Variants in COL9A3 observed in about 807,000 individuals in gnomAD.
COL9A3 encodes the protein collagen alpha-3(IX) chain.
In COL9A3, 82 loss-of-function variants were observed where a neutral mutation model predicts 110.2. That is an observed-to-expected ratio of 0.74 (90% CI 0.62 to 0.89). COL9A3 has a LOEUF of 0.89. Ranked by LOEUF, COL9A3 falls within the 40% of genes least tolerant of loss-of-function variation. The pLI, the probability that COL9A3 is intolerant of heterozygous loss-of-function variation, is 0.00. For synonymous variants in COL9A3, 494 were observed against 403.8 expected, an observed-to-expected ratio of 1.22 and a Z score of -2.68; for missense variants, 1,066 against 981.3, an observed-to-expected ratio of 1.09 and a Z score of -1.15.
intron 24 of COL9A3, among the ~76,000 whole-genome samples, chr20:62,830,847 G>A (rs1368529790): frequency 1.6e-5 from 2 of 128,036 alleles, no homozygotes; most frequent in East Asian, 2.4e-4. Flanking sequence ...AGCTCCCAGT[G>A]GGAAATCTGG....
chr20:62,826,251 G>T lies in COL9A3; in HGVS notation c.732G>T (p.Gly244=). The T allele has an allele frequency of 6.4e-7, 1 of 1,551,930 alleles. No individual in the cohort carries two copies. Among genetic ancestry groups the T allele is most frequent in the East Asian group, 2.4e-5 (1 of 41,386 alleles). ...TGCCAGGGCCACTCGGGCCCCCTGGGGACCGGGTAAGTCCTGCAGCCCCTA... is the reference window on the plus strand; with the variant it reads ...TGCCAGGGCCACTCGGGCCCCCTGGTGACCGGGTAAGTCCTGCAGCCCCTA... ...RGLPGPLGPP[G]DRGPIGFRGP... The change falls in exon 14 of 32, where the codon GGG becomes GGT. Residue 244 remains glycine, a synonymous_variant. Transcript: ENST00000649368.
rs1054842131 is a variant in COL9A3 at position 62,831,913 on chromosome 20, C to T, written c.1288-241C>T. The T allele has an allele frequency of 8.6e-6, 5 of 584,762 alleles. No individual in the cohort carries two copies. The Admixed American group carries it at 8.7e-5, about 10-fold the overall frequency. The allele number at this position is 584,762 out of a possible 1,614,324, so 36.2% of individuals were successfully genotyped here. A position where few individuals can be genotyped will look rare whatever the true frequency, so the allele number is the denominator to read the frequency against. ...CGCACGAATTCACGGGTGTTACAAA[C>T]AGTGCAAACCTAACGGGACTTCACT... On this transcript the variant is annotated intron_variant, in intron 24 of 31. Transcript: ENST00000649368.
chr20:62,835,125 C>T (rs534450129), intron 26 of COL9A3, among the ~76,000 whole-genome samples: 7 of 152,350 alleles, frequency 4.6e-5, no homozygotes, highest in East Asian at 1.9e-4. Flanking sequence ...CTGGCCTCCG[C>T]GGAGCATGCT....
At chr20:62,825,364 G>A (rs550271626) in intron 12 of COL9A3, 13 of 323,742 alleles carry the variant, frequency 4.0e-5, no homozygotes, top group East Asian at 4.0e-4. Flanking sequence ...GTCTGTGGCC[G>A]GGGCGAGGGG....
At chr20:62,831,183 A>G (rs2063594719) in intron 24 of COL9A3, 2 of 152,318 alleles carry the variant, frequency 1.3e-5, no homozygotes, top group South Asian at 4.1e-4. Flanking sequence ...TAACGGTCAC[A>G]GCTTCTACCT....
At position 62,836,569 on chromosome 20, in the gene COL9A3, A is replaced by G. The variant is rs532599646; in HGVS notation, c.1603+37A>G. 84 of 1,420,144 alleles carry G rather than the reference A, an allele frequency of 5.9e-5. No individual in the cohort carries two copies. In the Admixed American group the frequency reaches 1.7e-3, roughly 28 times the overall value. The allele number at this position is 1,420,144 out of a possible 1,614,324, so 88.0% of individuals were successfully genotyped here. On this transcript the variant is annotated intron_variant, in intron 29 of 31. Coordinates refer to ENST00000649368, the MANE Select transcript of COL9A3 (RefSeq NM_001853.4). ...ACGTGCACCGGCTGCAGCGGGGCCC[A>G]TCCCCGCCTGGGGGTCCCGTGCCTG...
intron 5 of COL9A3, among the ~76,000 whole-genome samples, chr20:62,820,336 TCCCCTG>T (rs1991078566): frequency 6.6e-6 from 1 of 151,738 alleles, no homozygotes; most frequent in Non-Finnish European, 1.5e-5. Flanking sequence ...GCCTGCAGAG[TCCCCTG>T]TGCCTGCCTG....
At chr20:62,839,767 C>T (rs1315741716) in intron 31 of COL9A3, among the ~76,000 whole-genome samples, 1 of 139,514 alleles carries the variant, frequency 7.2e-6, no homozygotes, top group African/African-American at 2.8e-5. Context: ...CTCCTCCACC[C>T]ACCCCACCTC....
intron 30 of COL9A3, among the ~76,000 whole-genome samples, chr20:62,838,442 C>T (rs1483632879): frequency 6.6e-6 from 1 of 152,184 alleles, no homozygotes; most frequent in Admixed American, 6.5e-5. Flanking sequence ...CTTAAGGGAC[C>T]ACTGTCACCT....
chr20:62,833,604 C>T (rs1224900334), intron 26 of COL9A3, among the ~76,000 whole-genome samples: 4 of 151,812 alleles, frequency 2.6e-5, no homozygotes, highest in African/African-American at 9.7e-5. Flanking sequence ...GGGGTTTCAC[C>T]GTGTTAGCCA....
intron 3 of COL9A3, 47 bp downstream of exon 3, chr20:62,818,600 A>C: frequency 6.3e-7 from 1 of 1,580,074 alleles, no homozygotes; most frequent in Non-Finnish European, 8.7e-7. Context: ...GTCTGGAGAG[A>C]AAGGGGGAAC....
At chr20:62,821,042 G>C in intron 5 of COL9A3, 139 bp from the exon 6 acceptor site, 1 of 868,898 alleles carries the variant, frequency 1.2e-6, no homozygotes, top group Non-Finnish European at 1.9e-6. Context: ...AGGGCTCAGA[G>C]GCCCTGCCCC....
Position 62,832,205 on chromosome 20 carries a change from G to C in COL9A3, c.1323+16G>C, listed in dbSNP as rs750702589. ...GGGAGACCAGGTGAGCTGGGCACAG[G>C]CTGGGGCAAAAGGAATGAAGGCAAA... On this transcript the variant is annotated intron_variant, in intron 25 of 31. Transcript: ENST00000649368. The C allele has an allele frequency of 6.8e-6, 11 of 1,612,458 alleles. No individual in the cohort carries two copies. In the Admixed American group the frequency reaches 1.8e-4, roughly 27 times the overall value.
intron 26 of COL9A3, 89 bp from the exon 27 acceptor site, chr20:62,835,832 G>T: frequency 1.5e-6 from 2 of 1,328,686 alleles, no homozygotes; most frequent in Admixed American, 3.4e-5. Context: ...CAGGTGTGTG[G>T]ATGATTTGAT....
intron 11 of COL9A3, 123 bp from the exon 12 acceptor site, chr20:62,824,845 G>T (rs530756642): frequency 9.5e-7 from 1 of 1,057,998 alleles, no homozygotes; most frequent in South Asian, 1.4e-5. Context: ...CCAGACCCGC[G>T]GTCCTGTGCG....
At position 62,819,274 on chromosome 20, in the gene COL9A3, C is replaced by T. The variant is rs368252527; in HGVS notation, c.236C>T (p.Pro79Leu). 14 of 1,611,256 alleles carry T rather than the reference C, an allele frequency of 8.7e-6. No individual in the cohort carries two copies. The highest frequency in any genetic ancestry group is 1.7e-4 in the Middle Eastern group (1 of 5,812). ...GGGAAACCAGGAGAGGCTGGGCTGCCGGGACTGCCGGGTGTGGATGTGAGT... is the reference window on the plus strand; with the variant it reads ...GGGAAACCAGGAGAGGCTGGGCTGCTGGGACTGCCGGGTGTGGATGTGAGT... ...KPGKPGEAGL[P>L]GLPGVDGLTG... is the part of the protein sequence containing the mutation. Residue 79 changes from proline (P) to leucine (L), a missense_variant, in exon 4 of 32, where the codon CCG (proline) becomes CTG (leucine). Pro to Leu is a moderately conservative substitution (Grantham distance 98). Coordinates refer to ENST00000649368, the MANE Select transcript of COL9A3 (RefSeq NM_001853.4).
chr20:62,822,583 T>C lies in COL9A3; in HGVS notation c.478-8T>C. 6.2e-7 allele frequency: 1 copy of C among 1,612,308 alleles called. No homozygotes were observed. Among genetic ancestry groups the C allele is most frequent in the South Asian group, 1.1e-5 (1 of 91,028 alleles). On this transcript the variant is annotated splice_region_variant and splice_polypyrimidine_tract_variant and intron_variant, in intron 9 of 31. Transcript: ENST00000649368. ...CGGGAGAATGTCAGCTGTCTCTTTT[T>C]GTCTTAGGGACACCCAGGAGTCCTC... is the stretch of plus-strand genomic sequence containing the variant.
Position 62,819,082 on chromosome 20 carries a change from A to G in COL9A3, c.184-140A>G, listed in dbSNP as rs577688030. On this transcript the variant is annotated intron_variant, in intron 3 of 31. Coordinates refer to ENST00000649368, the MANE Select transcript of COL9A3 (RefSeq NM_001853.4). ...GCCCCAGCTGAGCCGGGTCTGCCAG[A>G]CAGTAGGGGGGACCCAGGAGAGGGG... is the stretch of plus-strand genomic sequence containing the variant. 8.0e-6 allele frequency: 7 copies of G among 870,740 alleles called. No individual in the cohort carries two copies. In the African/African-American group the frequency reaches 1.2e-4, roughly 14 times the overall value. 53.9% of individuals were successfully genotyped at this position (870,740 alleles called of 1,614,324 possible). A position where few individuals can be genotyped will look rare whatever the true frequency, so the allele number is the denominator to read the frequency against.
chr20:62,838,431 T>C (rs1254153311), intron 30 of COL9A3, among the ~76,000 whole-genome samples: 2 of 152,222 alleles, frequency 1.3e-5, no homozygotes, highest in African/African-American at 4.8e-5. Context: ...GGTATGATAA[T>C]CTTAAGGGAC....
Sources: gnomAD v4.1 joint callset for allele counts (sites outside exome capture counted in the v4.1 genomes callset) on GRCh38, gnomAD v4.1.1 for gene constraint, MANE v1.5 for transcripts, NCBI Gene and HGNC (gene_info 2026-07-23, HGNC 2026-07-21) for gene names.